The following BCL2L1 variants were observed in gnomAD, a reference collection of about 807,000 sequenced individuals.
The protein encoded by BCL2L1 is BCL2 like 1, also known as bcl-2-like protein 1.
BCL2L1 carries 1 observed loss-of-function variant against 18.7 expected under a neutral mutation model. The observed-to-expected ratio is 0.05, with a 90% CI of 0.02 to 0.25. The LOEUF (loss-of-function observed/expected upper bound fraction) is 0.25. Among genes scored for constraint, BCL2L1 ranks in the 10% least tolerant of loss-of-function variants. The pLI is 1.00. For missense variants in BCL2L1, 207 were observed against 304.9 expected, an observed-to-expected ratio of 0.68 and a Z score of 2.39; for synonymous variants, 103 against 122.7, an observed-to-expected ratio of 0.84 and a Z score of 1.06.
At chr20:31,685,447 G>A (rs1235984447) in intron 2 of BCL2L1, among the ~76,000 whole-genome samples, 1 of 151,794 alleles carries the variant, frequency 6.6e-6, no homozygotes, top group Non-Finnish European at 1.5e-5. Flanking sequence ...GATTCTATTT[G>A]GAAAAATGTT....
rs149762432 is a variant in BCL2L1, at chr20:31,689,787, G to A, written c.565-23701C>T. ...TCCCAGCACTTTGGGAGGCTGAGGC[G>A]GGCGGATCACTTGAGGTTGGGAGTT... On this transcript the variant is annotated intron_variant, in intron 2 of 2. Transcript: ENST00000307677. 5.0e-3 allele frequency among the ~76,000 whole-genome samples: 761 copies of A among 152,316 alleles called. 12 individuals are homozygous for A. Among genetic ancestry groups the A allele is most frequent in the African/African-American group, 0.017 (700 of 41,572 alleles).
intron 2 of BCL2L1, chr20:31,720,127 C>A (rs746946687): frequency 4.1e-6 from 4 of 985,440 alleles, no homozygotes; most frequent in Non-Finnish European, 4.8e-6. Context: ...CCTCCCCTGA[C>A]CCCACCCCAG....
chr20:31,714,287 T>C (rs2061494021), intron 2 of BCL2L1, among the ~76,000 whole-genome samples: 2 of 152,180 alleles, frequency 1.3e-5, no homozygotes, highest in South Asian at 4.1e-4. Flanking sequence ...TGAAGTGACT[T>C]GGCCAAGGTG....
intron 2 of BCL2L1, among the ~76,000 whole-genome samples, chr20:31,691,230 T>C (rs893849653): frequency 1.0e-4 from 14 of 138,614 alleles, no homozygotes; most frequent in African/African-American, 3.2e-4. Flanking sequence ...TAGGTATAAC[T>C]TAAGTCATAA....
chr20:31,698,524 C>G (rs2061222120), intron 2 of BCL2L1, among the ~76,000 whole-genome samples: 1 of 152,060 alleles, frequency 6.6e-6, no homozygotes, highest in African/African-American at 2.4e-5. Context: ...GCATGAGCTA[C>G]TGGACCCAGT....
chr20:31,666,394 T>A (rs2060588711), intron 2 of BCL2L1, among the ~76,000 whole-genome samples: 1 of 151,830 alleles, frequency 6.6e-6, no homozygotes, highest in Non-Finnish European at 1.5e-5. Context: ...AGGGAACTGA[T>A]GGAAGCCAGG....
upstream of BCL2L1, chr20:31,723,795 AC>A: frequency 1.0e-6 from 1 of 985,376 alleles, no homozygotes; most frequent in East Asian, 1.1e-4. Flanking sequence ...TAGCTTCCAG[AC>A]GCAAGAGCTC....
At chr20:31,708,656 C>A (rs988923824) in intron 2 of BCL2L1, among the ~76,000 whole-genome samples, 1 of 152,184 alleles carries the variant, frequency 6.6e-6, no homozygotes, top group Non-Finnish European at 1.5e-5. Context: ...CCCAATGCCC[C>A]GCCCTGCCTT....
chr20:31,697,892 G>GTTTTTTTTTTTGTTTT lies in BCL2L1; in HGVS notation c.564+23762_564+23763insAAAACAAAAAAAAAAA, dbSNP rs1555871510. On this transcript the variant is annotated intron_variant, in intron 2 of 2. Coordinates refer to ENST00000307677, the MANE Select transcript of BCL2L1 (RefSeq NM_138578.3). ...AGAATCCTCAGCATGTGCTGTTGCT[G>GTTTTTTTTTTTGTTTT]TTTTTTTTTTTTTGAGACGGAGTCT... Among the ~76,000 whole-genome samples the GTTTTTTTTTTTGTTTT allele has an allele frequency of 1.2e-4, 16 of 129,652 alleles. 1 individual carries two copies. The highest frequency in any genetic ancestry group is 5.2e-4 in the African/African-American group (16 of 30,510). The allele number at this position is 129,652 out of a possible 152,430, so 85.1% of individuals were successfully genotyped here.
At chr20:31,693,235 A>G (rs2061112803) in intron 2 of BCL2L1, among the ~76,000 whole-genome samples, 1 of 150,016 alleles carries the variant, frequency 6.7e-6, no homozygotes, top group Admixed American at 6.7e-5. Flanking sequence ...TGAGAAGCTG[A>G]GGTAGGAGGA....
rs2122873775 is a variant in BCL2L1, at chr20:31,721,825, G to A, written c.394C>T (p.Arg132Trp). 6.2e-7 allele frequency: 1 copy of A among 1,614,116 alleles called. No homozygotes were observed. The highest frequency in any genetic ancestry group is 8.5e-7 in the Non-Finnish European group (1 of 1,180,012). Reference protein sequence around the residue: ...SFEQVVNELFRDGVNWGRIVA... With the variant: ...SFEQVVNELFWDGVNWGRIVA... ...ATGCGACCCCAGTTTACCCCATCCCGGAAGAGTTCATTCACTACCTGTTCA... is the reference window on the plus strand; with the variant it reads ...ATGCGACCCCAGTTTACCCCATCCCAGAAGAGTTCATTCACTACCTGTTCA... The change falls in exon 2 of 3, where the codon CGG (arginine) becomes TGG (tryptophan). Residue 132 changes from arginine to tryptophan, a missense_variant. By Grantham distance (101) the Arg-to-Trp change is moderately radical (BLOSUM62 -3). Transcript: ENST00000307677.
At position 31,722,211 on chromosome 20, in the gene BCL2L1, T is replaced by C. The variant is rs2061647005; in HGVS notation, c.8A>G (p.Gln3Arg). ...GTCAACCACCAGCTCCCGGTTGCTCTGAGACATTTTTATAATAGGGATGGG... is the reference window on the plus strand; with the variant it reads ...GTCAACCACCAGCTCCCGGTTGCTCCGAGACATTTTTATAATAGGGATGGG... MS[Q>R]SNRELVVDFL... The change falls in exon 2 of 3, where the codon CAG becomes CGG. Residue 3 changes from glutamine (Q) to arginine (R), a missense_variant. Coordinates refer to ENST00000307677, the MANE Select transcript of BCL2L1 (RefSeq NM_138578.3). 1 of 1,495,404 alleles carries C rather than the reference T, an allele frequency of 6.7e-7. No individual in the cohort carries two copies. The highest frequency in any genetic ancestry group is 2.3e-5 in the East Asian group (1 of 43,838). The allele number at this position is 1,495,404 out of a possible 1,614,324, so 92.6% of individuals were successfully genotyped here. A position where few individuals can be genotyped will look rare whatever the true frequency, so the allele number is the denominator to read the frequency against.
upstream of BCL2L1, chr20:31,723,783 G>A: frequency 2.0e-6 from 2 of 985,442 alleles, no homozygotes; most frequent in Non-Finnish European, 2.4e-6. Flanking sequence ...TCATCGGCCC[G>A]GTAGCTTCCA....
At chr20:31,698,158 G>A (rs992965432) in intron 2 of BCL2L1, among the ~76,000 whole-genome samples, 3 of 152,172 alleles carry the variant, frequency 2.0e-5, no homozygotes, top group Non-Finnish European at 4.4e-5. Context: ...AAAGTGCTGG[G>A]ATGACAGGCG....
Position 31,722,083 on chromosome 20 carries a change from C to T in BCL2L1, c.136G>A (p.Glu46Lys). 1 of 1,593,162 alleles carries T rather than the reference C, an allele frequency of 6.3e-7. No individual in the cohort carries two copies. The highest frequency in any genetic ancestry group is 1.7e-5 in the Admixed American group (1 of 58,788). ...TTGCCATTGATGGCACTGGGGGTCT[C>T]CATCTCCGATTCAGTCCCTTCTGGG... Reference protein sequence around the residue: ...EAPEGTESEMETPSAINGNPS... With the variant: ...EAPEGTESEMKTPSAINGNPS... Residue 46 changes from glutamate to lysine, a missense_variant, in exon 2 of 3, where the codon GAG becomes AAG. Glu to Lys is a moderately conservative substitution (Grantham distance 56). Coordinates refer to ENST00000307677, the MANE Select transcript of BCL2L1 (RefSeq NM_138578.3).
chr20:31,723,904 C>G, upstream of BCL2L1: 1 of 985,448 alleles, frequency 1.0e-6, no homozygotes, highest in Non-Finnish European at 1.2e-6. Flanking sequence ...ACAAGCCGGC[C>G]TCAGTTTCCC....
chr20:31,688,168 C>T (rs553333783), intron 2 of BCL2L1, among the ~76,000 whole-genome samples: 5 of 152,150 alleles, frequency 3.3e-5, no homozygotes, highest in East Asian at 1.9e-4. Flanking sequence ...TGATGGCCGG[C>T]GCGGTGGCTC....
In BCL2L1 at chr20:31,679,257, G is replaced by A. The variant is rs540670833; in HGVS notation, c.565-13171C>T. ...GTGCTGTTCACAGTCAATACCCAGAGCACCACCACCAGGAGGCCTGGAAGC... is the reference window on the plus strand; with the variant it reads ...GTGCTGTTCACAGTCAATACCCAGAACACCACCACCAGGAGGCCTGGAAGC... On this transcript the variant is annotated intron_variant, in intron 2 of 2. Transcript: ENST00000307677. Among the ~76,000 whole-genome samples, 29 of 152,296 alleles carry A rather than the reference G, an allele frequency of 1.9e-4. No homozygotes were observed. In the East Asian group the frequency reaches 5.6e-3, roughly 29 times the overall value.
chr20:31,711,633 G>A (rs1270055735), intron 2 of BCL2L1, among the ~76,000 whole-genome samples: 3 of 152,176 alleles, frequency 2.0e-5, no homozygotes, highest in Non-Finnish European at 4.4e-5. Flanking sequence ...TCCAAGGACA[G>A]CTCCAAGCCA....
Sources: allele counts gnomAD v4.1 joint callset (sites outside exome capture counted in the v4.1 genomes callset), GRCh38; gene constraint gnomAD v4.1.1; transcripts MANE v1.5; gene names NCBI Gene and HGNC (gene_info 2026-07-23, HGNC 2026-07-21).